The following CCDC178 variants were observed in gnomAD, a reference collection of about 807,000 sequenced individuals.
CCDC178 encodes coiled-coil domain containing 178.
A neutral mutation model predicts 117.4 loss-of-function variants in CCDC178; 126 were observed. The observed-to-expected ratio is 1.07, with a 90% CI of 0.93 to 1.24. The LOEUF (loss-of-function observed/expected upper bound fraction) is 1.24. CCDC178 is among the 50% of genes most tolerant of loss of function. CCDC178 has a pLI of 0.00. For synonymous variants in CCDC178, 283 were observed against 313.4 expected (o/e 0.90, Z 1.02); for missense variants, 1,030 against 986.9 (o/e 1.04, Z -0.59).
In CCDC178 at chr18:33,070,781, AAT is replaced by A; in HGVS notation, c.2388+21978_2388+21979del. Among the ~76,000 whole-genome samples, 4 of 152,228 alleles carry A rather than the reference AAT, an allele frequency of 2.6e-5. 1 individual carries two copies. In the Middle Eastern group the frequency reaches 0.014, roughly 518 times the overall value. On this transcript the variant is annotated intron_variant, in intron 21 of 22. Transcript: ENST00000383096. Reference sequence around the variant, plus strand: ...ATCAAAATATCATATGTACCCCATAAATATGTGGAATTATTATGTATCAATAC... The same window carrying A: ...ATCAAAATATCATATGTACCCCATAAATGTGGAATTATTATGTATCAATAC...
At chr18:33,401,503 C>T (rs1284537872) in intron 3 of CCDC178, among the ~76,000 whole-genome samples, 2 of 152,100 alleles carry the variant, frequency 1.3e-5, no homozygotes, top group Non-Finnish European at 2.9e-5. Context: ...TATTGTTATA[C>T]AATATTCCAG....
intron 22 of CCDC178, among the ~76,000 whole-genome samples, chr18:32,949,410 A>T (rs1306190635): frequency 6.6e-6 from 1 of 152,120 alleles, no homozygotes; most frequent in Non-Finnish European, 1.5e-5. Flanking sequence ...TCTTACAGCT[A>T]ACTGGTGTTC....
At chr18:33,338,981 C>G (rs2062779002) in intron 9 of CCDC178, among the ~76,000 whole-genome samples, 1 of 151,802 alleles carries the variant, frequency 6.6e-6, no homozygotes, top group Non-Finnish European at 1.5e-5. Context: ...GCAAATTAAC[C>G]AGCAACTTCT....
At chr18:33,055,300 T>C (rs1472245951) in intron 21 of CCDC178, among the ~76,000 whole-genome samples, 3 of 152,144 alleles carry the variant, frequency 2.0e-5, no homozygotes, top group African/African-American at 7.2e-5. Context: ...ATATTTTTCA[T>C]GTGAAAAAAA....
intron 10 of CCDC178, chr18:33,328,100 T>G (rs745863885): frequency 0.019 from 3,118 of 163,506 alleles, 47 homozygotes; most frequent in Middle Eastern, 0.051. Context: ...TTTTTTTTTT[T>G]TTTTTTTTTT....
At chr18:33,106,584 A>C (rs1219403032) in intron 20 of CCDC178, among the ~76,000 whole-genome samples, 1 of 151,684 alleles carries the variant, frequency 6.6e-6, no homozygotes, top group African/African-American at 2.4e-5. Flanking sequence ...GGCATCTGGG[A>C]TCAAGCTAAC....
At chr18:33,325,911 T>C (rs1366738960) in intron 10 of CCDC178, among the ~76,000 whole-genome samples, 1 of 152,224 alleles carries the variant, frequency 6.6e-6, no homozygotes, top group Non-Finnish European at 1.5e-5. Flanking sequence ...ATTCACAATG[T>C]TGTGCCAACA....
chr18:33,287,562 T>A (rs2060114495), intron 12 of CCDC178, among the ~76,000 whole-genome samples: 1 of 152,120 alleles, frequency 6.6e-6, no homozygotes, highest in African/African-American at 2.4e-5. Context: ...GTGGATCACC[T>A]GAGGTCAGGA....
chr18:33,077,908 G>A (rs2057236562), intron 21 of CCDC178, among the ~76,000 whole-genome samples: 1 of 152,142 alleles, frequency 6.6e-6, no homozygotes, highest in African/African-American at 2.4e-5. Context: ...GAGAAGGAGG[G>A]ACTCCTCCCC....
chr18:33,183,107 C>T (rs576399319), intron 20 of CCDC178, among the ~76,000 whole-genome samples: 1 of 151,908 alleles, frequency 6.6e-6, no homozygotes, highest in Non-Finnish European at 1.5e-5. Flanking sequence ...CCGATATATG[C>T]ATTTTATTGG....
intron 20 of CCDC178, among the ~76,000 whole-genome samples, chr18:33,199,288 A>G (rs2058966605): frequency 6.6e-6 from 1 of 152,134 alleles, no homozygotes; most frequent in Non-Finnish European, 1.5e-5. Context: ...ATGAATTTAT[A>G]TAGATTAAAT....
intron 22 of CCDC178, among the ~76,000 whole-genome samples, chr18:32,968,592 T>C (rs774717514): frequency 3.9e-5 from 6 of 152,050 alleles, no homozygotes; most frequent in Non-Finnish European, 7.4e-5. Flanking sequence ...GTTTCCCATA[T>C]GGCTGTACTA....
chr18:33,102,579 G>A (rs1181433957), intron 20 of CCDC178, among the ~76,000 whole-genome samples: 2 of 151,656 alleles, frequency 1.3e-5, no homozygotes, highest in Admixed American at 6.6e-5. Flanking sequence ...TACTGGTAAT[G>A]TCTTCATTCT....
At chr18:33,167,510 C>G (rs1000597566) in intron 20 of CCDC178, among the ~76,000 whole-genome samples, 1 of 152,162 alleles carries the variant, frequency 6.6e-6, no homozygotes, top group Non-Finnish European at 1.5e-5. Context: ...TCTCTAATGA[C>G]TAGTGATGTT....
At chr18:33,375,457 C>A (rs1009180726) in intron 5 of CCDC178, among the ~76,000 whole-genome samples, 9 of 152,114 alleles carry the variant, frequency 5.9e-5, no homozygotes, top group Non-Finnish European at 1.2e-4. Context: ...CCTTCCTAGA[C>A]TCCCATCCTG....
chr18:33,247,402 G>C (rs549607718), intron 14 of CCDC178, among the ~76,000 whole-genome samples: 8 of 151,606 alleles, frequency 5.3e-5, no homozygotes, highest in African/African-American at 1.9e-4. Context: ...AGATAGATGG[G>C]GAAGACAACA....
At chr18:33,334,813 G>A (rs2062718648) in intron 9 of CCDC178, among the ~76,000 whole-genome samples, 1 of 151,856 alleles carries the variant, frequency 6.6e-6, no homozygotes, top group African/African-American at 2.4e-5. Flanking sequence ...TATTTTGTGA[G>A]GAAGGATTTT....
At chr18:33,358,219 T>G (rs2063082936) in intron 6 of CCDC178, among the ~76,000 whole-genome samples, 1 of 152,014 alleles carries the variant, frequency 6.6e-6, no homozygotes, top group Non-Finnish European at 1.5e-5. Flanking sequence ...TGAAAAAGAC[T>G]AAATTCATGT....
intron 22 of CCDC178, among the ~76,000 whole-genome samples, chr18:32,973,002 G>A (rs1486105608): frequency 6.6e-6 from 1 of 152,172 alleles, no homozygotes; most frequent in Admixed American, 6.5e-5. Context: ...GTCTCTAGGT[G>A]CTGAGTAGTT....
Sources: gnomAD v4.1 joint callset for allele counts (sites outside exome capture counted in the v4.1 genomes callset) on GRCh38, gnomAD v4.1.1 for gene constraint, MANE v1.5 for transcripts, NCBI Gene and HGNC (gene_info 2026-07-23, HGNC 2026-07-21) for gene names.